Variants in GNB1L observed in about 807,000 individuals in gnomAD.
GNB1L encodes the protein guanine nucleotide-binding protein subunit beta-like protein 1.
A neutral mutation model predicts 29.1 loss-of-function variants in GNB1L; 20 were observed. That is an observed-to-expected ratio of 0.69 (90% confidence interval 0.48 to 1.00). GNB1L has a LOEUF of 1.00. Among genes scored for constraint, GNB1L ranks in the 50% least tolerant of loss-of-function variants. GNB1L has a pLI of 0.00. For missense variants in GNB1L, 421 were observed against 464.9 expected (o/e 0.91, Z 0.87); for synonymous variants, 193 against 206.5 (o/e 0.93, Z 0.56).
rs1371918847 is a variant in GNB1L at position 19,785,528 on chromosome 22, G to A, written c.*3181C>T. On this transcript the variant is annotated 3_prime_UTR_variant, in exon 8 of 8. Coordinates refer to ENST00000329517, the MANE Select transcript of GNB1L (RefSeq NM_053004.3). This position sits in a 1 kb window ranked among gnomAD's most constrained non-coding sequence, Gnocchi z 4.1. ...CACCAAGTTCTCTCTGGCTTGAGAGGCCTCACTGCTACCCAAGAGCATTAT... is the reference window on the plus strand; with the variant it reads ...CACCAAGTTCTCTCTGGCTTGAGAGACCTCACTGCTACCCAAGAGCATTAT... 1 of 152,232 alleles carries A rather than the reference G, an allele frequency of 6.6e-6. No homozygotes were observed. Among genetic ancestry groups the A allele is most frequent in the African/African-American group, 2.4e-5 (1 of 41,454 alleles). 9.4% of individuals were successfully genotyped at this position (152,232 alleles called of 1,614,324 possible). A position where few individuals can be genotyped will look rare whatever the true frequency, so the allele number is the denominator to read the frequency against.
chr22:19,835,557 C>G (rs1057227734), intron 2 of GNB1L, among the ~76,000 whole-genome samples: 1 of 152,040 alleles, frequency 6.6e-6, no homozygotes, highest in African/African-American at 2.4e-5. Context: ...GCCTGTAGTC[C>G]CAGCTATCCA....
chr22:19,816,670 C>T lies in GNB1L; in HGVS notation c.254+3928G>A, dbSNP rs899842569. On this transcript the variant is annotated intron_variant, in intron 4 of 7. Transcript: ENST00000329517. The surrounding 1 kb of genome is among the most constrained non-coding windows in gnomAD (Gnocchi z 4.4). ...CACATACATACACACCACACAGGCA[C>T]CTCACACATACACAACTTACATACA... 2.0e-5 allele frequency among the ~76,000 whole-genome samples: 3 copies of T among 152,126 alleles called. No individual in the cohort carries two copies. The highest frequency in any genetic ancestry group is 4.4e-5 in the Non-Finnish European group (3 of 67,994).
intron 2 of GNB1L, among the ~76,000 whole-genome samples, chr22:19,840,639 G>A (rs187391464): frequency 4.6e-5 from 7 of 152,048 alleles, no homozygotes; most frequent in Admixed American, 1.3e-4. Flanking sequence ...GTGAAATGCC[G>A]ACCCTACTAA....
At chr22:19,801,246 G>T (rs567987065) in intron 7 of GNB1L, among the ~76,000 whole-genome samples, 4 of 152,228 alleles carry the variant, frequency 2.6e-5, no homozygotes, top group African/African-American at 7.2e-5. Context: ...GGTGAATGGG[G>T]GCTCCTTGTC....
At chr22:19,835,871 GA>G (rs1450985335) in intron 2 of GNB1L, among the ~76,000 whole-genome samples, 6 of 152,072 alleles carry the variant, frequency 3.9e-5, no homozygotes, top group Non-Finnish European at 8.8e-5. Context: ...AAATACAAAT[GA>G]AAACACCACA....
chr22:19,792,981 T>TA (rs1163662338), intron 7 of GNB1L: 1 of 1,504,056 alleles, frequency 6.6e-7, no homozygotes, highest in Non-Finnish European at 9.1e-7. Flanking sequence ...CAATGACAGA[T>TA]ACGATGAGAT....
At chr22:19,851,922 G>A in intron 2 of GNB1L, 2 of 1,614,112 alleles carry the variant, frequency 1.2e-6, no homozygotes, top group Non-Finnish European at 1.7e-6. Flanking sequence ...AAGCGGTCCA[G>A]TAGCCACGGG....
Position 19,788,843 on chromosome 22 carries a change from T to C in GNB1L, c.850A>G (p.Thr284Ala). 6.2e-7 allele frequency: 1 copy of C among 1,612,682 alleles called. No individual in the cohort carries two copies. Among genetic ancestry groups the C allele is most frequent in the Non-Finnish European group, 8.5e-7 (1 of 1,179,916 alleles). Residue 284 changes from threonine to alanine, a missense_variant, in exon 8 of 8, where the codon ACG (threonine) becomes GCG (alanine). Thr to Ala is a moderately conservative substitution (Grantham distance 58, BLOSUM62 0). Transcript: ENST00000329517. ...DHRIRVFHWRTMQPLAVLAFH... is the reference protein window; with the variant it reads ...DHRIRVFHWRAMQPLAVLAFH... Reference sequence around the variant, plus strand: ...GCCAGCACGGCCAGTGGCTGCATCGTCCGCCAGTGGAACACGCGGATGCGG... The same window carrying C: ...GCCAGCACGGCCAGTGGCTGCATCGCCCGCCAGTGGAACACGCGGATGCGG...
intron 7 of GNB1L, among the ~76,000 whole-genome samples, chr22:19,799,171 G>C (rs533775100): frequency 1.7e-4 from 26 of 152,316 alleles, no homozygotes; most frequent in African/African-American, 6.3e-4. Context: ...CCTGGGGTGG[G>C]GGAGCCTCAT....
intron 2 of GNB1L, among the ~76,000 whole-genome samples, chr22:19,839,064 T>C (rs2145895242): frequency 6.6e-6 from 1 of 152,286 alleles, no homozygotes; most frequent in South Asian, 2.1e-4. Context: ...ACACTATTTA[T>C]ATGGCATCCT....
intron 7 of GNB1L, among the ~76,000 whole-genome samples, chr22:19,794,981 A>C (rs1937290491): frequency 6.6e-6 from 1 of 152,248 alleles, no homozygotes; most frequent in South Asian, 2.1e-4. Flanking sequence ...CTCCGTCTCA[A>C]AACAATAAAA....
At chr22:19,794,218 C>A (rs1937281857) in intron 7 of GNB1L, among the ~76,000 whole-genome samples, 1 of 152,012 alleles carries the variant, frequency 6.6e-6, no homozygotes, top group South Asian at 2.1e-4. Context: ...CCACTGCACC[C>A]CAGCCTGGGT....
intron 2 of GNB1L, among the ~76,000 whole-genome samples, chr22:19,824,322 G>A (rs978591767): frequency 2.0e-5 from 3 of 152,190 alleles, no homozygotes; most frequent in African/African-American, 4.8e-5. Context: ...CCTGGCCCCA[G>A]GCTGTGGAGC....
At chr22:19,823,131 G>C (rs1937592211) in intron 2 of GNB1L, among the ~76,000 whole-genome samples, 2 of 152,220 alleles carry the variant, frequency 1.3e-5, no homozygotes, top group South Asian at 4.1e-4. Context: ...CTCTCTCAAG[G>C]GGTTCCGAAG....
chr22:19,852,359 T>A (rs926873746), intron 2 of GNB1L: 3 of 1,365,546 alleles, frequency 2.2e-6, no homozygotes, highest in Non-Finnish European at 3.0e-6. Context: ...CAGGGATGGC[T>A]GAACAGGGCG....
At chr22:19,810,276 A>T (rs1937484022) in intron 5 of GNB1L, among the ~76,000 whole-genome samples, 1 of 152,158 alleles carries the variant, frequency 6.6e-6, no homozygotes, top group Non-Finnish European at 1.5e-5. Flanking sequence ...TCCCCAACCA[A>T]GGAAGGCCTG....
At position 19,816,826 on chromosome 22, in the gene GNB1L, C is replaced by T. The variant is rs60895758; in HGVS notation, c.254+3772G>A. 0.014 allele frequency among the ~76,000 whole-genome samples: 2,148 copies of T among 152,266 alleles called. 41 individuals are homozygous for T. The highest frequency in any genetic ancestry group is 0.048 in the African/African-American group (2,010 of 41,546). On this transcript the variant is annotated intron_variant, in intron 4 of 7. Coordinates refer to ENST00000329517, the MANE Select transcript of GNB1L (RefSeq NM_053004.3). This position sits in a 1 kb window ranked among gnomAD's most constrained non-coding sequence, Gnocchi z 4.4. ...GATGTTCACTGACATGCCCAACAAG[C>T]GAGCCTGCCACCTGCCCTCACCAAC...
intron 6 of GNB1L, 75 bp from the exon 7 acceptor site, chr22:19,802,291 G>T: frequency 8.3e-7 from 1 of 1,211,034 alleles, no homozygotes; most frequent in Non-Finnish European, 1.2e-6. Flanking sequence ...AAGGGGCTCT[G>T]GAAATTCCTG....
intron 2 of GNB1L, among the ~76,000 whole-genome samples, chr22:19,829,761 C>T (rs976598421): frequency 2.6e-5 from 4 of 152,086 alleles, no homozygotes; most frequent in African/African-American, 4.8e-5. Context: ...TCCACAGATG[C>T]TGAAAAAGCC....
Sources: allele counts gnomAD v4.1 joint callset (sites outside exome capture counted in the v4.1 genomes callset), GRCh38; gene constraint gnomAD v4.1.1; non-coding constraint Gnocchi (gnomAD v3.1); transcripts MANE v1.5; gene names NCBI Gene and HGNC (gene_info 2026-07-23, HGNC 2026-07-21).